The following SHTN1 variants were observed in gnomAD, a reference collection of about 807,000 sequenced individuals.
SHTN1 encodes shootin-1.
Under a neutral mutation model 83.1 loss-of-function variants are expected in SHTN1, and 42 were observed. The ratio of observed to expected loss-of-function variants is 0.51; its 90% CI spans 0.39 to 0.65. The LOEUF is 0.65. Among genes scored for constraint, SHTN1 ranks in the 30% least tolerant of loss-of-function variants. The probability of loss-of-function intolerance (pLI) is 0.00; values close to 1 mark genes in which losing one functional copy is unlikely to be tolerated. For synonymous variants in SHTN1, 224 were observed against 247.7 expected (o/e 0.90, Z 0.90); for missense variants, 622 against 737.8 (o/e 0.84, Z 1.82).
chr10:117,071,656 G>A (rs1309225124), intron 1 of SHTN1, among the ~76,000 whole-genome samples: 1 of 152,098 alleles, frequency 6.6e-6, no homozygotes, highest in Non-Finnish European at 1.5e-5. Context: ...GGCTTTTGGG[G>A]CCTCAAATCA....
At chr10:117,061,645 T>A (rs921381727) in intron 1 of SHTN1, among the ~76,000 whole-genome samples, 8 of 151,384 alleles carry the variant, frequency 5.3e-5, no homozygotes, top group African/African-American at 1.7e-4. Flanking sequence ...AATTTTGTAT[T>A]TTTTTAGTAG....
chr10:116,900,472 A>T, intron 16 of SHTN1: 2 of 1,362,656 alleles, frequency 1.5e-6, no homozygotes, highest in Non-Finnish European at 1.0e-6. Context: ...TGTAATTTCC[A>T]CTTACTTTTG....
chr10:116,921,951 T>C (rs1009763016), intron 11 of SHTN1, among the ~76,000 whole-genome samples: 2 of 152,204 alleles, frequency 1.3e-5, no homozygotes, highest in Admixed American at 1.3e-4. Context: ...TGAATCAGCA[T>C]GATGTAGACT....
chr10:116,892,466 C>T (rs988869848), intron 16 of SHTN1, among the ~76,000 whole-genome samples: 1 of 152,136 alleles, frequency 6.6e-6, no homozygotes, highest in Non-Finnish European at 1.5e-5. Flanking sequence ...CACTCAGATT[C>T]CAGCTATTAA....
At chr10:116,916,588 G>A (rs1330756373) in intron 12 of SHTN1, among the ~76,000 whole-genome samples, 1 of 152,218 alleles carries the variant, frequency 6.6e-6, no homozygotes, top group Non-Finnish European at 1.5e-5. Context: ...CTAAATGCCA[G>A]GCAATCACTA....
At chr10:116,937,710 T>A (rs1849226779) in intron 9 of SHTN1, among the ~76,000 whole-genome samples, 1 of 152,116 alleles carries the variant, frequency 6.6e-6, no homozygotes, top group East Asian at 1.9e-4. Flanking sequence ...TGTTGGCCTG[T>A]CTTGCTGGGT....
At chr10:117,041,098 C>A (rs943648752) in intron 2 of SHTN1, among the ~76,000 whole-genome samples, 1 of 151,848 alleles carries the variant, frequency 6.6e-6, no homozygotes, top group African/African-American at 2.4e-5. Context: ...TCCCTCCCAC[C>A]CCCGCCACCC....
At chr10:116,987,058 T>C (rs1330772942) in intron 1 of SHTN1, among the ~76,000 whole-genome samples, 3 of 152,096 alleles carry the variant, frequency 2.0e-5, no homozygotes, top group African/African-American at 7.2e-5. Flanking sequence ...AGGTAGCCTC[T>C]ATGAAATATG....
intron 1 of SHTN1, among the ~76,000 whole-genome samples, chr10:117,087,605 T>C (rs543943037): frequency 1.2e-3 from 181 of 152,250 alleles, no homozygotes; most frequent in Middle Eastern, 6.8e-3. Flanking sequence ...AAGATTTTAA[T>C]GGAAAATAAA....
intron 1 of SHTN1, among the ~76,000 whole-genome samples, chr10:117,120,181 A>G (rs1450235561): frequency 6.6e-6 from 1 of 152,152 alleles, no homozygotes; most frequent in Non-Finnish European, 1.5e-5. Flanking sequence ...AAAAGAGTAT[A>G]ATTAGATTAT....
intron 1 of SHTN1, among the ~76,000 whole-genome samples, chr10:117,123,479 C>T (rs1019593454): frequency 6.6e-6 from 1 of 152,104 alleles, no homozygotes; most frequent in Non-Finnish European, 1.5e-5. Flanking sequence ...AATTAACACC[C>T]CTTAACTTCC....
intron 1 of SHTN1, among the ~76,000 whole-genome samples, chr10:117,085,526 G>A (rs538280071): frequency 1.3e-5 from 2 of 152,254 alleles, no homozygotes; most frequent in South Asian, 2.1e-4. Context: ...TCTAAGGTAC[G>A]TTTTATAGCT....
chr10:117,046,166 G>C (rs1009708509), intron 2 of SHTN1, among the ~76,000 whole-genome samples: 1 of 151,944 alleles, frequency 6.6e-6, no homozygotes, highest in African/African-American at 2.4e-5. Context: ...GAAGCTCAGA[G>C]AACACCAACC....
intron 16 of SHTN1, chr10:116,901,005 T>C (rs1050396453): frequency 6.1e-6 from 6 of 985,318 alleles, no homozygotes; most frequent in African/African-American, 1.7e-5. Flanking sequence ...AAAGGGGTTC[T>C]TTCTCTCTTG....
chr10:116,964,308 A>C (rs1333188403), intron 3 of SHTN1, among the ~76,000 whole-genome samples: 1 of 152,178 alleles, frequency 6.6e-6, no homozygotes, highest in Non-Finnish European at 1.5e-5. Flanking sequence ...TCATCACAGC[A>C]ATTTTATATT....
chr10:117,092,290 A>G (rs537067789), intron 1 of SHTN1, among the ~76,000 whole-genome samples: 1 of 152,348 alleles, frequency 6.6e-6, no homozygotes, highest in Non-Finnish European at 1.5e-5. Context: ...GGCCTCTCAC[A>G]GGCAAGCAAA....
intron 1 of SHTN1, among the ~76,000 whole-genome samples, chr10:117,111,062 G>C (rs1332726377): frequency 2.6e-5 from 4 of 151,910 alleles, no homozygotes; most frequent in Non-Finnish European, 4.4e-5. Flanking sequence ...GCCTGGCGTG[G>C]TGGCACACGC....
chr10:117,107,589 T>C (rs980545241), intron 1 of SHTN1, among the ~76,000 whole-genome samples: 1 of 152,156 alleles, frequency 6.6e-6, no homozygotes, highest in Non-Finnish European at 1.5e-5. Flanking sequence ...GCCAACTAAG[T>C]TGAAGTACTA....
chr10:116,892,772 G>A (rs972319478), intron 16 of SHTN1, among the ~76,000 whole-genome samples: 1 of 152,198 alleles, frequency 6.6e-6, no homozygotes, highest in East Asian at 1.9e-4. Flanking sequence ...AGTTTATTCT[G>A]AGATCTGACA....
Sources: gnomAD v4.1 joint callset for allele counts (sites outside exome capture counted in the v4.1 genomes callset) on GRCh38, gnomAD v4.1.1 for gene constraint, MANE v1.5 for transcripts, NCBI Gene and HGNC (gene_info 2026-07-23, HGNC 2026-07-21) for gene names.